The following WASHC2C variants were observed in gnomAD, a reference collection of about 807,000 sequenced individuals.
WASHC2C encodes WASH complex subunit 2C.
In WASHC2C, 73 loss-of-function variants were observed where a neutral mutation model predicts 142.2. The ratio of observed to expected loss-of-function variants is 0.51; its 90% confidence interval spans 0.43 to 0.62. The LOEUF is 0.62. WASHC2C is among the 20% of genes least tolerant of loss of function. The probability of loss-of-function intolerance (pLI) is 0.00; values close to 1 mark genes in which losing one functional copy is unlikely to be tolerated. For missense variants in WASHC2C, 969 were observed against 1,531.7 expected (o/e 0.63, Z 6.13); for synonymous variants, 337 against 565.5 (o/e 0.60, Z 5.73).
intron 3 of WASHC2C, among the ~76,000 whole-genome samples, chr10:45,731,040 G>A (rs1342797581): frequency 6.7e-6 from 1 of 149,826 alleles, no homozygotes; most frequent in Non-Finnish European, 1.5e-5. Flanking sequence ...ACAGTCTTAG[G>A]TCTTATCTTT....
chr10:45,731,193 A>G (rs1332049529), intron 3 of WASHC2C, among the ~76,000 whole-genome samples: 22 of 144,226 alleles, frequency 1.5e-4, no homozygotes, highest in Non-Finnish European at 1.7e-4. Flanking sequence ...CCTGTTTTCC[A>G]TCCATCTCTC....
intron 8 of WASHC2C, among the ~76,000 whole-genome samples, chr10:45,749,150 C>T (rs1407505856): frequency 3.9e-5 from 6 of 151,956 alleles, no homozygotes; most frequent in African/African-American, 1.5e-4. Context: ...TGGTGGCTCA[C>T]GCCTGTAATC....
chr10:45,755,075 C>T lies in WASHC2C; in HGVS notation c.1380C>T (p.Asp460=), dbSNP rs189629786. 410 of 1,611,324 alleles carry T rather than the reference C, an allele frequency of 2.5e-4. No individual in the cohort carries two copies. In the African/African-American group the frequency reaches 4.1e-3, roughly 16 times the overall value. ...LFDDDDGDDD[D]DFFSAPHSKP... is the part of the protein sequence containing the mutation. ...ATGATGATGATGGTGATGATGATGACGACTTTTTCTCGGCACCCCACAGCA... is the reference window on the plus strand; with the variant it reads ...ATGATGATGATGGTGATGATGATGATGACTTTTTCTCGGCACCCCACAGCA... The change falls in exon 15 of 31, where the codon GAC becomes GAT. Residue 460 remains aspartate (D), a synonymous_variant. Transcript: ENST00000623400.
upstream of WASHC2C, chr10:45,727,122 C>A: frequency 7.0e-7 from 1 of 1,419,422 alleles, no homozygotes; most frequent in Admixed American, 3.1e-5. Context: ...GAACCCCAAA[C>A]TCCAGTCCCA....
intron 21 of WASHC2C, among the ~76,000 whole-genome samples, chr10:45,776,963 G>A (rs575507760): frequency 2.0e-5 from 3 of 150,114 alleles, no homozygotes; most frequent in African/African-American, 7.4e-5. Context: ...AGAGGAGTGA[G>A]GCAGAGAGAG....
chr10:45,731,793 C>CTTTTT lies in WASHC2C; in HGVS notation c.291+2782_291+2786dup, dbSNP rs782728565. Among the ~76,000 whole-genome samples the CTTTTT allele has an allele frequency of 2.5e-4, 27 of 109,862 alleles. 1 individual carries two copies. The highest frequency in any genetic ancestry group is 6.1e-4 in the South Asian group (2 of 3,264). The allele number at this position is 109,862 out of a possible 152,430, so 72.1% of individuals were successfully genotyped here. On this transcript the variant is annotated intron_variant, in intron 3 of 30. Coordinates refer to ENST00000623400, the MANE Select transcript of WASHC2C (RefSeq NM_001330074.2). ...TGATATATATTTGTAAGTGATCTGG[C>CTTTTT]TTTTTTTTTTTTTTTTTTTGAGACG... is the stretch of plus-strand genomic sequence containing the variant.
In WASHC2C at chr10:45,727,307, G is replaced by A; in HGVS notation, c.-11G>A. On this transcript the variant is annotated 5_prime_UTR_variant, in exon 1 of 31. Coordinates refer to ENST00000623400, the MANE Select transcript of WASHC2C (RefSeq NM_001330074.2). ...TGGCAGCCTCGGAGCCCACCGAGCC[G>A]GGCGGCTGGGATGGTGAGGGCGGCG... is the stretch of plus-strand genomic sequence containing the variant. 5 of 1,569,490 alleles carry A rather than the reference G, an allele frequency of 3.2e-6. No individual in the cohort carries two copies. Among genetic ancestry groups the A allele is most frequent in the Non-Finnish European group, 3.5e-6 (4 of 1,158,608 alleles).
chr10:45,760,127 G>A (rs1221975391), intron 17 of WASHC2C, among the ~76,000 whole-genome samples: 1 of 137,388 alleles, frequency 7.3e-6, no homozygotes, highest in East Asian at 2.2e-4. Flanking sequence ...ACCACTAACA[G>A]CCTCTGGGAC....
intron 11 of WASHC2C, among the ~76,000 whole-genome samples, 200 bp from the exon 12 acceptor site, chr10:45,752,388 A>G (rs1339184467): frequency 6.6e-6 from 1 of 152,292 alleles, no homozygotes; most frequent in Non-Finnish European, 1.5e-5. Context: ...TTGAGAGTGG[A>G]GGCCCAGAGA....
At chr10:45,728,688 G>A (rs1446213695) in intron 2 of WASHC2C, among the ~76,000 whole-genome samples, 174 bp from the exon 3 acceptor site, 3 of 150,978 alleles carry the variant, frequency 2.0e-5, no homozygotes, top group Admixed American at 2.0e-4. Flanking sequence ...CCGAGATGGC[G>A]CCACTGTACT....
chr10:45,754,957 C>T lies in WASHC2C; in HGVS notation c.1262C>T (p.Ala421Val). 6.2e-7 allele frequency: 1 copy of T among 1,611,986 alleles called. No individual in the cohort carries two copies. The highest frequency in any genetic ancestry group is 8.5e-7 in the Non-Finnish European group (1 of 1,179,862). ...VFLGDTDVFG[A>V]ASVPSLKEPQ... ...ACAGGAGACACGGATGTGTTTGGTG[C>T]TGCCTCCGTTCCATCACTGAAGGAG... is the stretch of plus-strand genomic sequence containing the variant. The change falls in exon 15 of 31, where the codon GCT becomes GTT. Residue 421 changes from alanine (A) to valine (V), a missense_variant. Coordinates refer to ENST00000623400, the MANE Select transcript of WASHC2C (RefSeq NM_001330074.2).
intron 18 of WASHC2C, among the ~76,000 whole-genome samples, chr10:45,764,876 T>C (rs1197036480): frequency 2.0e-5 from 3 of 151,764 alleles, no homozygotes; most frequent in Non-Finnish European, 3.0e-5. Context: ...CTCATTATTC[T>C]CCTGGCCTGT....
chr10:45,784,265 T>TATATATATATATATATATATATAC (rs1564819464), intron 23 of WASHC2C, among the ~76,000 whole-genome samples: 1 of 5,664 alleles, frequency 1.8e-4, no homozygotes, highest in African/African-American at 3.1e-4. Flanking sequence ...TATATATATA[T>TATATATATATATATATATATATAC]ATATATATAT....
chr10:45,727,634 G>A, intron 2 of WASHC2C, 95 bp downstream of exon 2: 4 of 1,377,920 alleles, frequency 2.9e-6, no homozygotes, highest in Admixed American at 2.7e-5. Flanking sequence ...CACCTGGCCC[G>A]TCCCGTTGCC....
rs1297811599 is a variant in WASHC2C, at chr10:45,770,802, T to A, written c.2039+1184T>A. 4.6e-5 allele frequency among the ~76,000 whole-genome samples: 7 copies of A among 152,298 alleles called. No individual in the cohort carries two copies. The South Asian group carries it at 1.2e-3, about 27-fold the overall frequency. ...CCTGTCTGAATAACCTTGGGCAAGT[T>A]ACCTAACTTCCCTGTGCCTCAATTT... On this transcript the variant is annotated intron_variant, in intron 20 of 30. Coordinates refer to ENST00000623400, the MANE Select transcript of WASHC2C (RefSeq NM_001330074.2).
Position 45,771,905 on chromosome 10 carries a change from C to T in WASHC2C, c.2040-1351C>T, listed in dbSNP as rs1285187353. 11 of 828,592 alleles carry T rather than the reference C, an allele frequency of 1.3e-5. No individual in the cohort carries two copies. In the Admixed American group the frequency reaches 4.4e-4, roughly 33 times the overall value. 51.3% of individuals were successfully genotyped at this position (828,592 alleles called of 1,614,324 possible). A position where few individuals can be genotyped will look rare whatever the true frequency, so the allele number is the denominator to read the frequency against. On this transcript the variant is annotated intron_variant, in intron 20 of 30. Coordinates refer to ENST00000623400, the MANE Select transcript of WASHC2C (RefSeq NM_001330074.2). ...TAATAGTTTCATTCCTATGTATATA[C>T]ATAAGAGAAATGAAATTAGTTGTTC...
At chr10:45,735,046 T>C (rs576312386) in intron 3 of WASHC2C, among the ~76,000 whole-genome samples, 171 of 151,736 alleles carry the variant, frequency 1.1e-3, no homozygotes, top group African/African-American at 4.1e-3. Context: ...ATTGTGGGTC[T>C]GTTTCTGCCC....
rs2058267772 is a variant in WASHC2C at position 45,789,501 on chromosome 10, C to T, written c.3708+10C>T. The T allele has an allele frequency of 6.2e-7, 1 of 1,612,006 alleles. No homozygotes were observed. The highest frequency in any genetic ancestry group is 1.3e-5 in the African/African-American group (1 of 74,960). On this transcript the variant is annotated intron_variant, in intron 29 of 30. Transcript: ENST00000623400. ...ACAAGATATTTTTGAGGTAATAGGA[C>T]TTAACACGTTTTTGTGTCTGTTCTA...
At chr10:45,727,362 C>T (rs1205730197) in intron 1 of WASHC2C, 42 bp downstream of exon 1, 2 of 1,602,796 alleles carry the variant, frequency 1.2e-6, no homozygotes, top group South Asian at 2.2e-5. Context: ...TGGGCTGGGG[C>T]CGCCGTCCCT....
Sources: gnomAD v4.1 joint callset for allele counts (sites outside exome capture counted in the v4.1 genomes callset) on GRCh38, gnomAD v4.1.1 for gene constraint, MANE v1.5 for transcripts, NCBI Gene and HGNC (gene_info 2026-07-23, HGNC 2026-07-21) for gene names.